ZBTB41: variants seen among roughly 807,000 people sequenced by gnomAD.
ZBTB41 encodes the protein zinc finger and BTB domain-containing protein 41.
In ZBTB41, 42 loss-of-function variants were observed where a neutral mutation model predicts 87.6. The observed-to-expected ratio is 0.48, with a 90% CI of 0.37 to 0.62. ZBTB41 has a LOEUF of 0.62. Ranked by LOEUF, ZBTB41 falls within the 20% of genes least tolerant of loss-of-function variation. The pLI, the probability that ZBTB41 is intolerant of heterozygous loss-of-function variation, is 0.00. For synonymous variants in ZBTB41, 364 were observed against 364.0 expected (o/e 1.00, Z 0.00); for missense variants, 799 against 1,078.9 (o/e 0.74, Z 3.63).
intron 4 of ZBTB41, 85 bp from the exon 5 acceptor site, chr1:197,188,524 A>T: frequency 8.0e-7 from 1 of 1,254,948 alleles, no homozygotes; most frequent in Middle Eastern, 2.8e-4. Flanking sequence ...AAACCATATA[A>T]ATTCAATAAA....
At chr1:197,164,564 A>G (rs1424756706) in intron 10 of ZBTB41, among the ~76,000 whole-genome samples, 1 of 150,602 alleles carries the variant, frequency 6.6e-6, no homozygotes, top group Non-Finnish European at 1.5e-5. Flanking sequence ...TATTTAATAT[A>G]AAAGTATCCA....
chr1:197,177,582 C>A (rs1659641502), intron 7 of ZBTB41, among the ~76,000 whole-genome samples: 1 of 152,096 alleles, frequency 6.6e-6, no homozygotes, highest in South Asian at 2.1e-4. Context: ...ATGAAAATTA[C>A]ATCTTACTGC....
chr1:197,189,044 T>C (rs1659955327), intron 4 of ZBTB41, among the ~76,000 whole-genome samples: 1 of 152,196 alleles, frequency 6.6e-6, no homozygotes, highest in Admixed American at 6.5e-5. Context: ...TAACATTTTA[T>C]AGCCAAGGAT....
chr1:197,176,789 AT>A lies in ZBTB41; in HGVS notation c.1773-120del, dbSNP rs1659620196. On this transcript the variant is annotated intron_variant, in intron 7 of 10. Coordinates refer to ENST00000367405, the MANE Select transcript of ZBTB41 (RefSeq NM_194314.3). ...GGGCTGTCTACTCAACCACTCATAC[AT>A]TATTGGCTTTATTTCTATGACTTTC... 7.1e-6 allele frequency: 5 copies of A among 701,588 alleles called. No individual in the cohort carries two copies. The Admixed American group carries it at 1.0e-4, about 14-fold the overall frequency. 43.5% of individuals were successfully genotyped at this position (701,588 alleles called of 1,614,324 possible). A position where few individuals can be genotyped will look rare whatever the true frequency, so the allele number is the denominator to read the frequency against.
In ZBTB41 at chr1:197,159,619, G is replaced by C; in HGVS notation, c.2470C>G (p.Leu824Val). Residue 824 changes from leucine to valine, a missense_variant, in exon 11 of 11, where the codon CTA (leucine) becomes GTA (valine). By Grantham distance (32) the Leu-to-Val change is conservative. This residue lies in a region of ZBTB41 where 171 missense variants were observed against 191.9 expected (regional missense o/e 0.89). Coordinates refer to ENST00000367405, the MANE Select transcript of ZBTB41 (RefSeq NM_194314.3). ...GGGAGTGTGGTAGTATGACGCACTAGGTCACTCGGAGTGTCAGGCATCTGA... is the reference window on the plus strand; with the variant it reads ...GGGAGTGTGGTAGTATGACGCACTACGTCACTCGGAGTGTCAGGCATCTGA... Reference protein sequence around the residue: ...PVQMPDTPSDLVRHTTTLPPS... With the variant: ...PVQMPDTPSDVVRHTTTLPPS... The C allele has an allele frequency of 6.2e-7, 1 of 1,613,986 alleles. No individual in the cohort carries two copies. Among genetic ancestry groups the C allele is most frequent in the Non-Finnish European group, 8.5e-7 (1 of 1,179,944 alleles).
intron 6 of ZBTB41, among the ~76,000 whole-genome samples, chr1:197,179,083 G>A (rs1280940757): frequency 1.3e-5 from 2 of 152,056 alleles, no homozygotes; most frequent in Admixed American, 1.3e-4. Context: ...TACATCACTA[G>A]CAATTCCTAC....
chr1:197,192,915 C>T (rs1660070105), intron 2 of ZBTB41, among the ~76,000 whole-genome samples: 1 of 151,562 alleles, frequency 6.6e-6, no homozygotes, highest in Admixed American at 6.6e-5. Flanking sequence ...TTTTATTAAG[C>T]AAGTAATATC....
At chr1:197,189,778 TGGAACTTA>T (rs1659979776) in intron 4 of ZBTB41, among the ~76,000 whole-genome samples, 1 of 152,174 alleles carries the variant, frequency 6.6e-6, no homozygotes, top group Admixed American at 6.5e-5. Context: ...TACTCACTCT[TGGAACTTA>T]GTTGCTATGC....
intron 10 of ZBTB41, among the ~76,000 whole-genome samples, chr1:197,165,793 C>T (rs1659329456): frequency 6.6e-6 from 1 of 152,102 alleles, no homozygotes; most frequent in African/African-American, 2.4e-5. Flanking sequence ...TATATATAAG[C>T]CAGTGGCTGA....
Position 197,200,249 on chromosome 1 carries a change from T to C in ZBTB41, c.225A>G (p.Lys75=), listed in dbSNP as rs1165890692. The change falls in exon 2 of 11, where the codon AAA becomes AAG. Residue 75 remains lysine, a synonymous_variant. Coordinates refer to ENST00000367405, the MANE Select transcript of ZBTB41 (RefSeq NM_194314.3). ...SSLQYNKNLL[K]YLNDDRQKQP... ...GCTTCTGCCTATCATCATTTAAATA[T>C]TTTAGCAAATTCTTATTATACTGCA... is the stretch of plus-strand genomic sequence containing the variant. The C allele has an allele frequency of 6.2e-7, 1 of 1,612,124 alleles. No homozygotes were observed. The highest frequency in any genetic ancestry group is 2.2e-5 in the East Asian group (1 of 44,880).
At chr1:197,174,211 C>G (rs1445288381) in intron 9 of ZBTB41, among the ~76,000 whole-genome samples, 1 of 151,960 alleles carries the variant, frequency 6.6e-6, no homozygotes, top group Non-Finnish European at 1.5e-5. Flanking sequence ...ACAATTTGAA[C>G]TGAAGCAGAG....
chr1:197,199,361 G>C lies in ZBTB41; in HGVS notation c.1113C>G (p.Asp371Glu), dbSNP rs368942674. The stretch of plus-strand genomic sequence containing the variant: ...CCAGTTTTCTTTTCTTACCTATTCG[G>C]TCAAATGTTTTATCACATTTAGGAC... ...LQCPKCDKTF[D>E]RIGKYESHTR... Residue 371 changes from aspartate (D) to glutamate (E), a missense_variant, in exon 2 of 11, where the codon GAC becomes GAG. Physicochemically the swap from Asp to Glu is conservative, Grantham distance 45. Transcript: ENST00000367405. 2.0e-6 allele frequency: 3 copies of C among 1,505,324 alleles called. No individual in the cohort carries two copies. The highest frequency in any genetic ancestry group is 2.6e-6 in the Non-Finnish European group (3 of 1,133,968). The allele number at this position is 1,505,324 out of a possible 1,614,324, so 93.2% of individuals were successfully genotyped here.
At chr1:197,170,237 A>G (rs1659445822) in intron 10 of ZBTB41, among the ~76,000 whole-genome samples, 1 of 138,664 alleles carries the variant, frequency 7.2e-6, no homozygotes, top group Admixed American at 7.9e-5. Flanking sequence ...CAATATATAT[A>G]TAATGAACTA....
chr1:197,183,674 A>G (rs1659811935), intron 5 of ZBTB41, among the ~76,000 whole-genome samples: 1 of 152,206 alleles, frequency 6.6e-6, no homozygotes, highest in South Asian at 2.1e-4. Context: ...AGAGCTGATC[A>G]TACATTTAGC....
intron 5 of ZBTB41, among the ~76,000 whole-genome samples, chr1:197,184,832 G>C (rs1659842486): frequency 2.2e-5 from 2 of 91,990 alleles, no homozygotes; most frequent in South Asian, 9.1e-4. Context: ...TTATATTTTT[G>C]AGACAGAATT....
At chr1:197,160,243 C>T (rs1012447530) in intron 10 of ZBTB41, among the ~76,000 whole-genome samples, 3 of 152,078 alleles carry the variant, frequency 2.0e-5, no homozygotes, top group Admixed American at 6.6e-5. Context: ...ACTAGCCAAA[C>T]ATTGAGCAAG....
Position 197,200,576 on chromosome 1 carries a change from C to T in ZBTB41, c.-103G>A. 8.4e-7 allele frequency: 1 copy of T among 1,192,960 alleles called. No homozygotes were observed. Among genetic ancestry groups the T allele is most frequent in the South Asian group, 1.7e-5 (1 of 59,016 alleles). The allele number at this position is 1,192,960 out of a possible 1,614,324, so 73.9% of individuals were successfully genotyped here. On this transcript the variant is annotated 5_prime_UTR_variant, in exon 2 of 11. Coordinates refer to ENST00000367405, the MANE Select transcript of ZBTB41 (RefSeq NM_194314.3). ...ATAACAGCTTCTGAAGGGGCGTGCCCAAGGGTTTCATGGTCTGCAAAAGAG... is the reference window on the plus strand; with the variant it reads ...ATAACAGCTTCTGAAGGGGCGTGCCTAAGGGTTTCATGGTCTGCAAAAGAG...
In ZBTB41 at chr1:197,174,997, CT is replaced by C. The variant is rs935537830; in HGVS notation, c.1985+12del. The C allele has an allele frequency of 1.2e-6, 2 of 1,602,396 alleles. No individual in the cohort carries two copies. The highest frequency in any genetic ancestry group is 1.7e-6 in the Non-Finnish European group (2 of 1,173,740). The stretch of plus-strand genomic sequence containing the variant: ...CCAATGTAAACTATGAGACATTTTG[CT>C]TTTTCACTTACTTTTGCCACACTTT... On this transcript the variant is annotated intron_variant, in intron 9 of 10. Transcript: ENST00000367405.
chr1:197,184,787 T>C (rs1232666994), intron 5 of ZBTB41, among the ~76,000 whole-genome samples: 2 of 143,460 alleles, frequency 1.4e-5, no homozygotes, highest in Non-Finnish European at 1.5e-5. Context: ...CTTCCTTAAG[T>C]TTACAACTAT....
Sources: allele counts gnomAD v4.1 joint callset (sites outside exome capture counted in the v4.1 genomes callset), GRCh38; gene constraint gnomAD v4.1.1; regional missense constraint gnomAD v4.1.1; transcripts MANE v1.5; gene names NCBI Gene and HGNC (gene_info 2026-07-23, HGNC 2026-07-21).